The following MECOM variants were observed in gnomAD, a reference collection of about 807,000 sequenced individuals.
MECOM encodes the protein histone-lysine N-methyltransferase MECOM.
MECOM carries 13 observed loss-of-function variants against 116.3 expected under a neutral mutation model. The observed-to-expected ratio is 0.11, with a 90% CI of 0.07 to 0.18. MECOM has a LOEUF of 0.18. Among genes scored for constraint, MECOM ranks in the 10% least tolerant of loss-of-function variants. The pLI is 1.00. For missense variants in MECOM, 1,299 were observed against 1,509.0 expected (o/e 0.86, Z 2.31); for synonymous variants, 528 against 535.2 (o/e 0.99, Z 0.19).
intron 1 of MECOM, among the ~76,000 whole-genome samples, chr3:169,414,667 T>C (rs535458242): frequency 1.3e-5 from 2 of 152,246 alleles, no homozygotes; most frequent in Non-Finnish European, 2.9e-5. Context: ...CTAACTAGTA[T>C]AACCAGTTTA....
intron 1 of MECOM, among the ~76,000 whole-genome samples, chr3:169,432,056 G>A (rs1244487010): frequency 2.0e-5 from 3 of 151,750 alleles, no homozygotes; most frequent in African/African-American, 7.3e-5. Flanking sequence ...ACTGACTGTA[G>A]GCCAGAGAGA....
rs920758227 is a variant in MECOM, at chr3:169,499,990, G to C, written c.38-118466C>G. Among the ~76,000 whole-genome samples, 40 of 152,026 alleles carry C rather than the reference G, an allele frequency of 2.6e-4. 1 individual carries two copies. Among genetic ancestry groups the C allele is most frequent in the Non-Finnish European group, 1.5e-5 (1 of 67,924 alleles). On this transcript the variant is annotated intron_variant, in intron 1 of 16. Transcript: ENST00000651503. The stretch of plus-strand genomic sequence containing the variant: ...ATAAAAACATCCTGTTAAAACTACA[G>C]ATCTTGCTTTATAGTCACTTATGGC...
At chr3:169,355,041 TA>T (rs1727022898) in intron 2 of MECOM, among the ~76,000 whole-genome samples, 1 of 151,856 alleles carries the variant, frequency 6.6e-6, no homozygotes, top group Admixed American at 6.6e-5. Flanking sequence ...CTGACTGAAT[TA>T]AAAGAACAAA....
intron 1 of MECOM, among the ~76,000 whole-genome samples, chr3:169,509,092 T>C (rs1032449037): frequency 2.6e-5 from 4 of 152,214 alleles, no homozygotes; most frequent in Non-Finnish European, 5.9e-5. Context: ...CTGCTATTAA[T>C]GTGCCTCAGG....
At chr3:169,156,589 C>G (rs974210055) in intron 2 of MECOM, among the ~76,000 whole-genome samples, 1 of 152,116 alleles carries the variant, frequency 6.6e-6, no homozygotes, top group Non-Finnish European at 1.5e-5. Context: ...TCTAGCCAAT[C>G]GATCCTTTGC....
chr3:169,612,322 T>C (rs2109828545), intron 1 of MECOM, among the ~76,000 whole-genome samples: 1 of 152,308 alleles, frequency 6.6e-6, no homozygotes, highest in Admixed American at 6.5e-5. Flanking sequence ...TCAAGAGATA[T>C]CAGGCAGAAG....
chr3:169,223,102 C>A (rs1752317990), intron 2 of MECOM, among the ~76,000 whole-genome samples: 1 of 145,814 alleles, frequency 6.9e-6, no homozygotes, highest in Admixed American at 7.1e-5. Flanking sequence ...TGCTTTCATA[C>A]TGGCAAATTT....
chr3:169,285,077 T>A (rs891497947), intron 2 of MECOM, among the ~76,000 whole-genome samples: 3 of 152,182 alleles, frequency 2.0e-5, no homozygotes, highest in African/African-American at 7.2e-5. Flanking sequence ...TGTAAAGTTA[T>A]AAAAGCCTTA....
chr3:169,382,439 G>A (rs1377434606), intron 1 of MECOM, among the ~76,000 whole-genome samples: 6 of 152,154 alleles, frequency 3.9e-5, no homozygotes, highest in Admixed American at 6.5e-5. Context: ...GCAGCACGGC[G>A]CCACACTTGA....
At chr3:169,545,121 T>C (rs982511726) in intron 1 of MECOM, among the ~76,000 whole-genome samples, 8 of 152,244 alleles carry the variant, frequency 5.3e-5, no homozygotes, top group Non-Finnish European at 1.0e-4. Context: ...GCATTGTACA[T>C]GGAAGAAGGT....
intron 2 of MECOM, among the ~76,000 whole-genome samples, chr3:169,314,833 G>A (rs1340262259): frequency 6.6e-6 from 1 of 152,152 alleles, no homozygotes; most frequent in South Asian, 2.1e-4. Context: ...GCTAAGGGAA[G>A]TTTAGAAATT....
At chr3:169,314,970 T>G (rs1260373683) in intron 2 of MECOM, among the ~76,000 whole-genome samples, 1 of 152,212 alleles carries the variant, frequency 6.6e-6, no homozygotes, top group Admixed American at 6.5e-5. Context: ...GAAAACACTG[T>G]GCAGGGCCCT....
intron 2 of MECOM, among the ~76,000 whole-genome samples, chr3:169,210,035 G>A (rs2149471717): frequency 6.6e-6 from 1 of 152,234 alleles, no homozygotes; most frequent in South Asian, 2.1e-4. Flanking sequence ...AAAAAGGAAT[G>A]CGATCATGTC....
At chr3:169,591,327 C>T (rs901421310) in intron 1 of MECOM, among the ~76,000 whole-genome samples, 4 of 152,092 alleles carry the variant, frequency 2.6e-5, no homozygotes, top group African/African-American at 9.7e-5. Context: ...TGGGTTTAGT[C>T]ATTCTCTGAT....
intron 1 of MECOM, among the ~76,000 whole-genome samples, chr3:169,576,203 T>C (rs760223307): frequency 2.0e-5 from 3 of 152,152 alleles, no homozygotes; most frequent in African/African-American, 7.2e-5. Context: ...CAATCTCAGA[T>C]CCTTAAAACA....
intron 1 of MECOM, among the ~76,000 whole-genome samples, chr3:169,557,070 C>T (rs936439688): frequency 1.3e-5 from 2 of 152,098 alleles, no homozygotes; most frequent in African/African-American, 2.4e-5. Context: ...ACAACCCCAC[C>T]TCATTGCTCT....
intron 2 of MECOM, among the ~76,000 whole-genome samples, chr3:169,158,283 T>C (rs1665274632): frequency 6.6e-6 from 1 of 152,196 alleles, no homozygotes; most frequent in Admixed American, 6.6e-5. Flanking sequence ...AAGAAGGTCA[T>C]TATAAAAGTC....
chr3:169,423,871 T>C (rs1353725713), intron 1 of MECOM, among the ~76,000 whole-genome samples: 3 of 152,140 alleles, frequency 2.0e-5, no homozygotes, highest in Non-Finnish European at 4.4e-5. Flanking sequence ...ATTATGTTAT[T>C]AATTAAGCCA....
intron 1 of MECOM, among the ~76,000 whole-genome samples, chr3:169,461,671 A>G (rs1747467454): frequency 6.6e-6 from 1 of 152,188 alleles, no homozygotes; most frequent in African/African-American, 2.4e-5. Flanking sequence ...TGAAAAAATA[A>G]ATTTTTGGAA....
Sources: allele counts gnomAD v4.1 joint callset (sites outside exome capture counted in the v4.1 genomes callset), GRCh38; gene constraint gnomAD v4.1.1; transcripts MANE v1.5; gene names NCBI Gene and HGNC (gene_info 2026-07-23, HGNC 2026-07-21).